PRKG1: variants seen among roughly 807,000 people sequenced by gnomAD.
PRKG1 encodes the protein protein kinase cGMP-dependent 1, also known as cGMP-dependent protein kinase 1.
In PRKG1, 35 loss-of-function variants were observed where a neutral mutation model predicts 88.1. The observed-to-expected ratio is 0.40, with a 90% CI of 0.30 to 0.53. The LOEUF (loss-of-function observed/expected upper bound fraction) is 0.53, where lower values mean the gene tolerates loss of function less well. PRKG1 is among the 20% of genes least tolerant of loss of function. The probability of loss-of-function intolerance (pLI) is 0.59; values close to 1 mark genes in which losing one functional copy is unlikely to be tolerated. For synonymous variants in PRKG1, 303 were observed against 292.5 expected (o/e 1.04, Z -0.37); for missense variants, 540 against 839.8 (o/e 0.64, Z 4.41).
intron 9 of PRKG1, among the ~76,000 whole-genome samples, chr10:52,204,238 C>T (rs1407581872): frequency 3.3e-5 from 5 of 152,044 alleles, no homozygotes; most frequent in Admixed American, 3.3e-4. Flanking sequence ...GCTGAGATTA[C>T]AGGCATGTGC....
chr10:51,192,225 T>C (rs1274277871), intron 2 of PRKG1, among the ~76,000 whole-genome samples: 1 of 151,890 alleles, frequency 6.6e-6, no homozygotes, highest in African/African-American at 2.4e-5. Flanking sequence ...AAATAAAGCA[T>C]GCATTTCCAA....
chr10:52,151,132 A>G (rs1383400465), intron 8 of PRKG1, among the ~76,000 whole-genome samples: 6 of 152,164 alleles, frequency 3.9e-5, no homozygotes, highest in African/African-American at 1.4e-4. Context: ...TTTGTTATAT[A>G]GGTAAACTTG....
At chr10:51,034,728 A>G (rs1263683940) in intron 1 of PRKG1, among the ~76,000 whole-genome samples, 1 of 136,012 alleles carries the variant, frequency 7.4e-6, no homozygotes, top group Admixed American at 7.7e-5. Flanking sequence ...TTACGGTAAA[A>G]TTGCTGTAGA....
At chr10:51,248,748 A>G (rs1259709079) in intron 2 of PRKG1, among the ~76,000 whole-genome samples, 4 of 151,824 alleles carry the variant, frequency 2.6e-5, no homozygotes, top group African/African-American at 9.7e-5. Context: ...TTTATTCTCT[A>G]TTGCAACTAC....
intron 4 of PRKG1, among the ~76,000 whole-genome samples, chr10:51,879,294 T>C (rs972163317): frequency 3.9e-5 from 6 of 152,214 alleles, no homozygotes; most frequent in African/African-American, 1.4e-4. Flanking sequence ...CTGTTAGTCT[T>C]AAGATGAACT....
chr10:51,893,804 A>G (rs1030666586), intron 4 of PRKG1, among the ~76,000 whole-genome samples: 11 of 152,302 alleles, frequency 7.2e-5, no homozygotes, highest in Non-Finnish European at 1.5e-4. Context: ...GGCTTTAAGT[A>G]TCTTGCCTGT....
chr10:51,335,453 T>G (rs1026685088), intron 2 of PRKG1, among the ~76,000 whole-genome samples: 2 of 152,226 alleles, frequency 1.3e-5, no homozygotes, highest in Non-Finnish European at 2.9e-5. Flanking sequence ...TATTTTCCTC[T>G]GTCCCATTAC....
chr10:52,141,536 T>A (rs765275200), intron 8 of PRKG1, among the ~76,000 whole-genome samples: 2 of 152,134 alleles, frequency 1.3e-5, no homozygotes, highest in Admixed American at 6.6e-5. Context: ...CATCTAGTAT[T>A]TGGGGGTTTA....
intron 4 of PRKG1, among the ~76,000 whole-genome samples, chr10:51,808,584 C>CAG (rs879885485): frequency 2.6e-5 from 4 of 152,068 alleles, no homozygotes; most frequent in Non-Finnish European, 4.4e-5. Context: ...GTCTGGGCAA[C>CAG]AGAGAGAGAC....
intron 3 of PRKG1, among the ~76,000 whole-genome samples, chr10:51,471,403 A>C (rs1840046120): frequency 6.6e-6 from 1 of 151,898 alleles, no homozygotes; most frequent in African/African-American, 2.4e-5. Context: ...AGGGGCAAGA[A>C]TGTCTCACAT....
chr10:52,021,032 C>A (rs780412675), intron 5 of PRKG1, among the ~76,000 whole-genome samples: 1 of 152,106 alleles, frequency 6.6e-6, no homozygotes, highest in Non-Finnish European at 1.5e-5. Flanking sequence ...GGGGGTGAGA[C>A]CTCTCCTGCC....
At chr10:51,662,998 A>G (rs1840337172) in intron 3 of PRKG1, among the ~76,000 whole-genome samples, 1 of 152,146 alleles carries the variant, frequency 6.6e-6, no homozygotes, top group African/African-American at 2.4e-5. Flanking sequence ...TATGGAACTC[A>G]GGCAACTACC....
intron 7 of PRKG1, among the ~76,000 whole-genome samples, chr10:52,117,748 C>G (rs996215085): frequency 2.6e-5 from 4 of 151,964 alleles, no homozygotes; most frequent in African/African-American, 9.7e-5. Flanking sequence ...ACATTCACTT[C>G]CTTGAATGTA....
In PRKG1 at chr10:51,411,092, C is replaced by G. The variant is rs527741071; in HGVS notation, c.479-56631C>G. On this transcript the variant is annotated intron_variant, in intron 2 of 17. Coordinates refer to ENST00000373980, the MANE Select transcript of PRKG1 (RefSeq NM_006258.4). ...CAGCTTACTCACAACCTCCACCTCC[C>G]AAGTTCAAGCGATTCTCCTGCCTCA... Among the ~76,000 whole-genome samples, 19 of 152,106 alleles carry G rather than the reference C, an allele frequency of 1.2e-4. No homozygotes were observed. In the South Asian group the frequency reaches 3.3e-3, roughly 27 times the overall value.
chr10:51,299,857 T>G (rs1484942439), intron 2 of PRKG1, among the ~76,000 whole-genome samples: 1 of 152,186 alleles, frequency 6.6e-6, no homozygotes, highest in East Asian at 1.9e-4. Context: ...GTGGAAAATC[T>G]TGATGCAAAT....
At chr10:52,211,352 C>G (rs1031396348) in intron 9 of PRKG1, among the ~76,000 whole-genome samples, 1 of 152,084 alleles carries the variant, frequency 6.6e-6, no homozygotes, top group Non-Finnish European at 1.5e-5. Context: ...AGAAATTTTT[C>G]GCAACTAATT....
chr10:50,994,475 T>TCTCCGGCTCACTGCAAG (rs1842813495), intron 1 of PRKG1, among the ~76,000 whole-genome samples: 1 of 140,836 alleles, frequency 7.1e-6, no homozygotes, highest in African/African-American at 2.6e-5. Flanking sequence ...AGTGGTGCGA[T>TCTCCGGCTCACTGCAAG]CTCCGGCTCA....
intron 3 of PRKG1, among the ~76,000 whole-genome samples, chr10:51,530,592 A>G (rs899904504): frequency 1.3e-5 from 2 of 152,192 alleles, no homozygotes; most frequent in Non-Finnish European, 2.9e-5. Flanking sequence ...GGTGACCGTC[A>G]TCATGGTCAC....
intron 7 of PRKG1, chr10:52,081,682 C>T: frequency 2.2e-6 from 1 of 456,504 alleles, no homozygotes; most frequent in South Asian, 1.5e-5. Flanking sequence ...GAAAAAGAAG[C>T]TAGAAGATGA....
Sources: allele counts gnomAD v4.1 joint callset (sites outside exome capture counted in the v4.1 genomes callset), GRCh38; gene constraint gnomAD v4.1.1; transcripts MANE v1.5; gene names NCBI Gene and HGNC (gene_info 2026-07-23, HGNC 2026-07-21).